The following PHACTR1 variants were observed in gnomAD, a reference collection of about 807,000 sequenced individuals.
PHACTR1 encodes the protein phosphatase and actin regulator 1, also known as RPEL repeat containing 1.
PHACTR1 carries 16 observed loss-of-function variants against 69.2 expected under a neutral mutation model. The observed-to-expected ratio is 0.23, with a 90% CI of 0.16 to 0.35. PHACTR1 has a LOEUF of 0.35. PHACTR1 is among the 10% of genes least tolerant of loss of function. The probability of loss-of-function intolerance (pLI) is 1.00; values close to 1 mark genes in which losing one functional copy is unlikely to be tolerated. For missense variants in PHACTR1, 510 were observed against 734.7 expected, an observed-to-expected ratio of 0.69 and a Z score of 3.54; for synonymous variants, 312 against 284.5, an observed-to-expected ratio of 1.10 and a Z score of -0.97.
intron 4 of PHACTR1, among the ~76,000 whole-genome samples, chr6:12,796,387 G>A (rs1047856916): frequency 6.6e-6 from 1 of 152,210 alleles, no homozygotes; most frequent in Non-Finnish European, 1.5e-5. Flanking sequence ...CTTGTTCCCA[G>A]TACAGACTCT....
chr6:12,913,620 T>A (rs1292598473), intron 4 of PHACTR1, among the ~76,000 whole-genome samples: 1 of 152,208 alleles, frequency 6.6e-6, no homozygotes, highest in Non-Finnish European at 1.5e-5. Flanking sequence ...TGGAGTAGCA[T>A]AATGCATCGC....
intron 4 of PHACTR1, among the ~76,000 whole-genome samples, chr6:12,902,322 C>T (rs999659250): frequency 1.3e-5 from 2 of 152,172 alleles, no homozygotes; most frequent in African/African-American, 2.4e-5. Context: ...ACTCAAGAGG[C>T]TGAGACAGGA....
intron 8 of PHACTR1, among the ~76,000 whole-genome samples, chr6:13,219,878 G>T (rs940526247): frequency 6.6e-6 from 1 of 152,162 alleles, no homozygotes; most frequent in African/African-American, 2.4e-5. Context: ...GGGCTTTGCT[G>T]ATTCTCCAGG....
intron 10 of PHACTR1, among the ~76,000 whole-genome samples, chr6:13,239,345 G>A (rs1772481435): frequency 6.6e-6 from 1 of 152,314 alleles, no homozygotes; most frequent in Non-Finnish European, 1.5e-5. Flanking sequence ...TAGCTAAGCT[G>A]CTTTCAGGTA....
intron 4 of PHACTR1, among the ~76,000 whole-genome samples, chr6:12,878,475 A>G (rs901528861): frequency 3.9e-5 from 6 of 152,226 alleles, no homozygotes; most frequent in Non-Finnish European, 4.4e-5. Flanking sequence ...GAACCAAGTG[A>G]CTGTAGAGTC....
intron 4 of PHACTR1, among the ~76,000 whole-genome samples, chr6:12,872,970 GCTTC>G (rs1221475565): frequency 2.1e-5 from 3 of 141,990 alleles, no homozygotes; most frequent in African/African-American, 7.9e-5. Context: ...TTCCTTCCTT[GCTTC>G]CTTCCTTCCT....
intron 6 of PHACTR1, among the ~76,000 whole-genome samples, chr6:13,162,110 G>C (rs1293488150): frequency 6.6e-6 from 1 of 150,622 alleles, no homozygotes; most frequent in Non-Finnish European, 1.5e-5. Flanking sequence ...TGTTGTTGTT[G>C]TTGTTTTGAG....
intron 7 of PHACTR1, among the ~76,000 whole-genome samples, chr6:13,193,357 G>GTATATGTATATATA (rs1554152202): frequency 4.4e-5 from 3 of 68,194 alleles, no homozygotes; most frequent in Non-Finnish European, 1.0e-4. Context: ...AGCTCTCTGT[G>GTATATGTATATATA]TATATATATA....
intron 4 of PHACTR1, 49 bp downstream of exon 4, chr6:12,749,839 C>T (rs1012088291): frequency 4.1e-6 from 6 of 1,468,386 alleles, no homozygotes; most frequent in Middle Eastern, 2.5e-4. Context: ...TGCTCCCTCC[C>T]TCCCCGGCTG....
rs1399387255 is a variant in PHACTR1, at chr6:12,867,208, AC to A, written c.250+117421del. Among the ~76,000 whole-genome samples, 4 of 152,052 alleles carry A rather than the reference AC, an allele frequency of 2.6e-5. No individual in the cohort carries two copies. In the East Asian group the frequency reaches 7.7e-4, roughly 29 times the overall value. ...CTTCAGTTCAGAGGTCAAGACCAAA[AC>A]CCAGGTCACTTGATCCCCATCCTAG... On this transcript the variant is annotated intron_variant, in intron 4 of 14. Transcript: ENST00000332995.
intron 4 of PHACTR1, among the ~76,000 whole-genome samples, chr6:12,849,553 G>C (rs1163061745): frequency 6.6e-6 from 1 of 152,158 alleles, no homozygotes; most frequent in Non-Finnish European, 1.5e-5. Context: ...CAGACAGCCT[G>C]GGGCTGGCAC....
chr6:13,190,631 A>G lies in PHACTR1; in HGVS notation c.664+7945A>G, dbSNP rs147870664. ...CAGACCCAAAGGAGACAGTTTGTGTAAGAGTCAGGAGCAGGGGTAAACCAC... is the reference window on the plus strand; with the variant it reads ...CAGACCCAAAGGAGACAGTTTGTGTGAGAGTCAGGAGCAGGGGTAAACCAC... On this transcript the variant is annotated intron_variant, in intron 7 of 14. Transcript: ENST00000332995. 5.0e-3 allele frequency among the ~76,000 whole-genome samples: 754 copies of G among 152,188 alleles called. 6 individuals are homozygous for G. Among genetic ancestry groups the G allele is most frequent in the African/African-American group, 0.017 (725 of 41,560 alleles).
chr6:12,749,523 ACCCCTTCCCTTCCTCTCCCCTC>A, intron 3 of PHACTR1, 99 bp from the exon 4 acceptor site: 1 of 213,556 alleles, frequency 4.7e-6, no homozygotes. Flanking sequence ...CTCCCTCCCC[ACCCCTTCCCTTCCTCTCCCCTC>A]CCCCTTCCCC....
intron 4 of PHACTR1, among the ~76,000 whole-genome samples, chr6:12,766,816 G>A (rs1185399936): frequency 6.6e-6 from 1 of 152,148 alleles, no homozygotes. Context: ...AATTTAATGT[G>A]GCAACTTAAT....
chr6:13,219,392 G>T (rs558697366), intron 8 of PHACTR1, among the ~76,000 whole-genome samples: 2 of 152,290 alleles, frequency 1.3e-5, no homozygotes, highest in Admixed American at 6.5e-5. Context: ...TGTCGGGCAG[G>T]GACGGGGCAC....
chr6:12,820,602 T>C (rs1413949826), intron 4 of PHACTR1, among the ~76,000 whole-genome samples: 1 of 152,212 alleles, frequency 6.6e-6, no homozygotes, highest in Non-Finnish European at 1.5e-5. Context: ...TCCTCTCTTA[T>C]CTTGGAGTGC....
chr6:13,010,535 G>A (rs567061771), intron 4 of PHACTR1, among the ~76,000 whole-genome samples: 1 of 152,330 alleles, frequency 6.6e-6, no homozygotes, highest in South Asian at 2.1e-4. Flanking sequence ...GTGTGCATCT[G>A]AAACCTCAAT....
intron 4 of PHACTR1, among the ~76,000 whole-genome samples, chr6:12,883,818 C>A (rs1783353429): frequency 6.6e-6 from 1 of 152,186 alleles, no homozygotes; most frequent in African/African-American, 2.4e-5. Flanking sequence ...GCATACATAT[C>A]ATAATTCTCT....
intron 3 of PHACTR1, among the ~76,000 whole-genome samples, chr6:12,742,194 C>T (rs910536007): frequency 1.3e-5 from 2 of 152,086 alleles, no homozygotes; most frequent in African/African-American, 2.4e-5. Context: ...GCTGCTTATA[C>T]TTACTGTTAC....
Sources: gnomAD v4.1 joint callset for allele counts (sites outside exome capture counted in the v4.1 genomes callset) on GRCh38, gnomAD v4.1.1 for gene constraint, MANE v1.5 for transcripts, NCBI Gene and HGNC (gene_info 2026-07-23, HGNC 2026-07-21) for gene names.